The following FOXP1 variants were observed in gnomAD, a reference collection of about 807,000 sequenced individuals.
FOXP1 encodes forkhead box protein P1.
A neutral mutation model predicts 98.2 loss-of-function variants in FOXP1; 15 were observed. The observed-to-expected ratio is 0.15, with a 90% confidence interval of 0.10 to 0.24. The LOEUF (loss-of-function observed/expected upper bound fraction) is 0.24, where lower values mean the gene tolerates loss of function less well. FOXP1 is among the 10% of genes least tolerant of loss of function. The pLI, the probability that FOXP1 is intolerant of heterozygous loss-of-function variation, is 1.00. For missense variants in FOXP1, 633 were observed against 848.5 expected (o/e 0.75, Z 3.15); for synonymous variants, 371 against 314.5 (o/e 1.18, Z -1.90).
At chr3:71,348,532 TGTGTGTGTGTGTGTGTGC>T (rs1560348791) in intron 4 of FOXP1, among the ~76,000 whole-genome samples, 3 of 139,168 alleles carry the variant, frequency 2.2e-5, no homozygotes, top group African/African-American at 5.3e-5. Flanking sequence ...CGTGTGTGTG[TGTGTGTGTGTGTGTGTGC>T]GTGCGCGCGC....
At chr3:71,583,447 T>C in intron 1 of FOXP1, 124 bp downstream of exon 1, 1 of 978,800 alleles carries the variant, frequency 1.0e-6, no homozygotes, top group Non-Finnish European at 1.2e-6. Flanking sequence ...TCCATTTTTT[T>C]TCTCTTTTTC....
chr3:71,001,473 A>T (rs1374291976), intron 12 of FOXP1, among the ~76,000 whole-genome samples: 1 of 152,208 alleles, frequency 6.6e-6, no homozygotes, highest in Non-Finnish European at 1.5e-5. Context: ...AACTGATGAT[A>T]CATCCATATA....
intron 4 of FOXP1, among the ~76,000 whole-genome samples, chr3:71,328,469 C>T (rs188409196): frequency 2.5e-4 from 38 of 152,220 alleles, no homozygotes; most frequent in African/African-American, 8.9e-4. Flanking sequence ...ATATGAGATG[C>T]CTGCTGGAGT....
intron 10 of FOXP1, among the ~76,000 whole-genome samples, chr3:71,043,955 C>T (rs1337918175): frequency 6.6e-6 from 1 of 152,162 alleles, no homozygotes; most frequent in African/African-American, 2.4e-5. Context: ...AAAATAGTAA[C>T]TCATTAAGTG....
At chr3:71,437,710 G>T (rs983761743) in intron 3 of FOXP1, among the ~76,000 whole-genome samples, 3 of 152,138 alleles carry the variant, frequency 2.0e-5, no homozygotes, top group Non-Finnish European at 4.4e-5. Flanking sequence ...ATGAACTTCC[G>T]AGTCTGTGAT....
intron 12 of FOXP1, among the ~76,000 whole-genome samples, chr3:71,012,112 T>C (rs867485008): frequency 1.3e-5 from 2 of 152,174 alleles, no homozygotes; most frequent in Non-Finnish European, 1.5e-5. Flanking sequence ...GAAACTGATA[T>C]ATGTCCCTGA....
chr3:71,026,712 C>T (rs1011361329), intron 11 of FOXP1, among the ~76,000 whole-genome samples: 1 of 152,146 alleles, frequency 6.6e-6, no homozygotes, highest in Non-Finnish European at 1.5e-5. Context: ...TGTCACCAAT[C>T]TCCCCTATCT....
chr3:71,246,256 C>T (rs1207430780), intron 5 of FOXP1, among the ~76,000 whole-genome samples: 2 of 152,160 alleles, frequency 1.3e-5, no homozygotes, highest in East Asian at 1.9e-4. Flanking sequence ...GGCCAGCCCT[C>T]GGTGTGCAAG....
At chr3:71,051,069 G>C (rs1259095751) in intron 9 of FOXP1, among the ~76,000 whole-genome samples, 1 of 152,172 alleles carries the variant, frequency 6.6e-6, no homozygotes, top group Non-Finnish European at 1.5e-5. Context: ...TGCCACTGAT[G>C]AGTAAGCCCT....
chr3:71,577,817 A>C (rs1404153830), intron 2 of FOXP1, among the ~76,000 whole-genome samples: 4 of 152,294 alleles, frequency 2.6e-5, no homozygotes, highest in South Asian at 2.1e-4. Context: ...GCAAATAGTA[A>C]AAGTATACAT....
At chr3:71,106,339 A>C (rs1225486596) in intron 7 of FOXP1, among the ~76,000 whole-genome samples, 6 of 152,112 alleles carry the variant, frequency 3.9e-5, no homozygotes, top group Admixed American at 6.6e-5. Context: ...TGAGTTCCTT[A>C]TTTTTTGTTT....
intron 5 of FOXP1, among the ~76,000 whole-genome samples, chr3:71,287,554 C>T (rs940629857): frequency 6.6e-6 from 1 of 151,728 alleles, no homozygotes; most frequent in Admixed American, 6.6e-5. Flanking sequence ...CTGAGAGGGG[C>T]AGATCACTTG....
chr3:71,502,004 TTGGGAGGCGTGACGC>T (rs955232459), intron 2 of FOXP1, among the ~76,000 whole-genome samples: 1 of 152,110 alleles, frequency 6.6e-6, no homozygotes, highest in Non-Finnish European at 1.5e-5. Flanking sequence ...ACACAGAAGG[TTGGGAGGCGTGACGC>T]TCATCAGGAA....
intron 3 of FOXP1, among the ~76,000 whole-genome samples, chr3:71,412,345 G>T (rs1358231016): frequency 6.6e-6 from 1 of 152,200 alleles, no homozygotes; most frequent in African/African-American, 2.4e-5. Flanking sequence ...TATAGGGTGG[G>T]GTGAAGGGCA....
chr3:71,105,460 T>C (rs72947471), intron 7 of FOXP1, among the ~76,000 whole-genome samples: 4,832 of 152,306 alleles, frequency 0.032, 271 homozygotes, highest in African/African-American at 0.11. Context: ...ATTTTAGTGA[T>C]AATGGTAATT....
chr3:71,041,640 T>C, intron 10 of FOXP1, 108 bp from the exon 11 acceptor site: 1 of 1,108,752 alleles, frequency 9.0e-7, no homozygotes, highest in Non-Finnish European at 1.3e-6. Context: ...TTAGGGGGGT[T>C]TTTCGGTGTG....
At chr3:71,375,441 C>T (rs1052738869) in intron 3 of FOXP1, among the ~76,000 whole-genome samples, 6 of 152,132 alleles carry the variant, frequency 3.9e-5, no homozygotes, top group South Asian at 2.1e-4. Flanking sequence ...TGTATATACA[C>T]GTTTTGTTTC....
intron 6 of FOXP1, among the ~76,000 whole-genome samples, chr3:71,139,461 T>G (rs909723915): frequency 2.0e-5 from 3 of 151,736 alleles, no homozygotes; most frequent in Non-Finnish European, 2.9e-5. Context: ...GTGTTTAACC[T>G]GCCTTGAACA....
intron 5 of FOXP1, among the ~76,000 whole-genome samples, chr3:71,258,332 A>G (rs1001193889): frequency 3.3e-5 from 5 of 152,184 alleles, no homozygotes; most frequent in African/African-American, 1.2e-4. Context: ...AGGAGGAAAA[A>G]AAAGACAGAG....
Sources: allele counts gnomAD v4.1 joint callset (sites outside exome capture counted in the v4.1 genomes callset), GRCh38; gene constraint gnomAD v4.1.1; transcripts MANE v1.5; gene names NCBI Gene and HGNC (gene_info 2026-07-23, HGNC 2026-07-21).